Variants in SMAD2 observed in about 807,000 individuals in gnomAD.
The protein encoded by SMAD2 is MAD homolog 2.
Under a neutral mutation model 64.4 loss-of-function variants are expected in SMAD2, and 8 were observed. The observed-to-expected ratio is 0.12, with a 90% confidence interval of 0.07 to 0.22. SMAD2 has a LOEUF of 0.22. Ranked by LOEUF, SMAD2 falls within the 10% of genes least tolerant of loss-of-function variation. The pLI is 1.00. For missense variants in SMAD2, 289 were observed against 561.2 expected (o/e 0.51, Z 4.90); for synonymous variants, 203 against 195.8 (o/e 1.04, Z -0.31).
chr18:47,897,209 A>G (rs2033476053), intron 1 of SMAD2, among the ~76,000 whole-genome samples: 8 of 151,998 alleles, frequency 5.3e-5, no homozygotes, highest in Admixed American at 3.9e-4. Context: ...TTGTAAGCCC[A>G]CTCTCCCCCG....
chr18:47,858,302 A>C (rs2030891664), intron 6 of SMAD2, among the ~76,000 whole-genome samples: 1 of 152,196 alleles, frequency 6.6e-6, no homozygotes, highest in Non-Finnish European at 1.5e-5. Flanking sequence ...AAATTCATTT[A>C]ATTGGATTAA....
chr18:47,815,323 C>T lies in SMAD2; in HGVS notation c.*26504G>A, dbSNP rs1329622937. The T allele has an allele frequency of 1.3e-5, 2 of 152,224 alleles. No individual in the cohort carries two copies. The highest frequency in any genetic ancestry group is 4.8e-5 in the African/African-American group (2 of 41,454). The allele number at this position is 152,224 out of a possible 1,614,324, so 9.4% of individuals were successfully genotyped here. ...TTGATGTGAAATGAAGGAACTGTAA[C>T]TTCTTTTCTGCATGATCTGAGTTTT... On this transcript the variant is annotated 3_prime_UTR_variant, in exon 11 of 11. Coordinates refer to ENST00000262160, the MANE Select transcript of SMAD2 (RefSeq NM_005901.6).
At chr18:47,876,839 T>A (rs2032291451) in intron 2 of SMAD2, among the ~76,000 whole-genome samples, 1 of 152,232 alleles carries the variant, frequency 6.6e-6, no homozygotes, top group East Asian at 1.9e-4. Flanking sequence ...TAAATTAACA[T>A]TTTGCACTTT....
At chr18:47,863,555 T>G (rs1428091557) in intron 6 of SMAD2, among the ~76,000 whole-genome samples, 1 of 142,678 alleles carries the variant, frequency 7.0e-6, no homozygotes, top group Admixed American at 6.8e-5. Flanking sequence ...CCTGCAGCCT[T>G]TTTTTTCTGG....
At chr18:47,872,482 T>A (rs1342318376) in intron 2 of SMAD2, among the ~76,000 whole-genome samples, 1 of 152,042 alleles carries the variant, frequency 6.6e-6, no homozygotes, top group African/African-American at 2.4e-5. Context: ...TTACACAGCA[T>A]TTACAATGTA....
intron 6 of SMAD2, among the ~76,000 whole-genome samples, chr18:47,855,447 A>C (rs928333716): frequency 6.6e-6 from 1 of 152,176 alleles, no homozygotes; most frequent in Non-Finnish European, 1.5e-5. Flanking sequence ...ACTGTCTTCC[A>C]AAGTGGCTAT....
chr18:47,876,420 T>G (rs1398875299), intron 2 of SMAD2, among the ~76,000 whole-genome samples: 1 of 152,072 alleles, frequency 6.6e-6, no homozygotes, highest in East Asian at 1.9e-4. Context: ...CAAGCATACG[T>G]ATGTTATCTC....
rs1178782626 is a variant in SMAD2 at position 47,829,512 on chromosome 18, C to CTTA, written c.*12314_*12315insTAA. ...CGATCTTTTAAAGAATATAAACAAGCCAGATTCTTAGGTATCTCTCCCTTT... is the reference window on the plus strand; with the variant it reads ...CGATCTTTTAAAGAATATAAACAAGCTTACAGATTCTTAGGTATCTCTCCCTTT... On this transcript the variant is annotated 3_prime_UTR_variant, in exon 11 of 11. Coordinates refer to ENST00000262160, the MANE Select transcript of SMAD2 (RefSeq NM_005901.6). 13 of 152,074 alleles carry CTTA rather than the reference C, an allele frequency of 8.5e-5. No individual in the cohort carries two copies. Among genetic ancestry groups the CTTA allele is most frequent in the African/African-American group, 3.1e-4 (13 of 41,418 alleles). The allele number at this position is 152,074 out of a possible 1,614,324, so 9.4% of individuals were successfully genotyped here. A position where few individuals can be genotyped will look rare whatever the true frequency, so the allele number is the denominator to read the frequency against.
chr18:47,877,138 T>A (rs1012323358), intron 2 of SMAD2, among the ~76,000 whole-genome samples: 1 of 151,814 alleles, frequency 6.6e-6, no homozygotes, highest in Non-Finnish European at 1.5e-5. Flanking sequence ...TTATTTTTCA[T>A]GATCTTCTTG....
intron 6 of SMAD2, among the ~76,000 whole-genome samples, chr18:47,862,552 C>T (rs1404868283): frequency 6.6e-6 from 1 of 152,198 alleles, no homozygotes; most frequent in Admixed American, 6.5e-5. Flanking sequence ...CTTATAAAGA[C>T]ACCAGTCATA....
At chr18:47,927,265 A>G (rs546299627) in intron 1 of SMAD2, among the ~76,000 whole-genome samples, 1 of 152,028 alleles carries the variant, frequency 6.6e-6, no homozygotes, top group Non-Finnish European at 1.5e-5. Context: ...TAGACTGTGC[A>G]AAACTGGTGC....
chr18:47,880,320 G>T (rs2144414151), intron 2 of SMAD2, among the ~76,000 whole-genome samples: 1 of 152,198 alleles, frequency 6.6e-6, no homozygotes, highest in South Asian at 2.1e-4. Context: ...GTTTTCACTG[G>T]TGTAAGGTGG....
intron 8 of SMAD2, among the ~76,000 whole-genome samples, chr18:47,846,562 T>C (rs373252067): frequency 3.3e-5 from 5 of 152,146 alleles, no homozygotes; most frequent in Admixed American, 2.0e-4. Context: ...TAGACTGTCA[T>C]AGGCTAAGTG....
Position 47,875,126 on chromosome 18 carries a change from G to A in SMAD2, c.237-4562C>T, listed in dbSNP as rs577084211. 2.6e-5 allele frequency among the ~76,000 whole-genome samples: 4 copies of A among 152,036 alleles called. No homozygotes were observed. The East Asian group carries it at 5.8e-4, about 22-fold the overall frequency. ...TCCTTTCTGTCTCACATGAACCTTT[G>A]GTACCAATTTTCTTCCATGTGCAAT... On this transcript the variant is annotated intron_variant, in intron 2 of 10. Coordinates refer to ENST00000262160, the MANE Select transcript of SMAD2 (RefSeq NM_005901.6).
chr18:47,856,332 T>C (rs2030679327), intron 6 of SMAD2, among the ~76,000 whole-genome samples: 1 of 152,124 alleles, frequency 6.6e-6, no homozygotes, highest in South Asian at 2.1e-4. Flanking sequence ...GTAAGTCAAT[T>C]TTAGGTGCTC....
intron 2 of SMAD2, among the ~76,000 whole-genome samples, chr18:47,877,161 A>AT (rs71162898): frequency 0.061 from 8,800 of 143,910 alleles, 586 homozygotes; most frequent in East Asian, 0.22. Flanking sequence ...TAAACAGTGT[A>AT]TTTTTTTTTT....
Position 47,834,318 on chromosome 18 carries a change from G to A in SMAD2, c.*7509C>T. 4.8e-6 allele frequency: 1 copy of A among 208,980 alleles called. No individual in the cohort carries two copies. The highest frequency in any genetic ancestry group is 7.2e-5 in the East Asian group (1 of 13,942). 12.9% of individuals were successfully genotyped at this position (208,980 alleles called of 1,614,324 possible). A position where few individuals can be genotyped will look rare whatever the true frequency, so the allele number is the denominator to read the frequency against. On this transcript the variant is annotated 3_prime_UTR_variant, in exon 11 of 11. Coordinates refer to ENST00000262160, the MANE Select transcript of SMAD2 (RefSeq NM_005901.6). ...AATGAATTTCTTAAGTTCAAGATAT[G>A]TACTCTCAATGGAGAATCGCTTTTG... is the stretch of plus-strand genomic sequence containing the variant.
At chr18:47,859,962 C>G (rs1244224554) in intron 6 of SMAD2, among the ~76,000 whole-genome samples, 1 of 152,040 alleles carries the variant, frequency 6.6e-6, no homozygotes, top group Non-Finnish European at 1.5e-5. Context: ...TGGTGAAATC[C>G]TATCTCTAAA....
In SMAD2 at chr18:47,850,397, T is replaced by A. The variant is rs1301451313; in HGVS notation, c.784+877A>T. On this transcript the variant is annotated intron_variant, in intron 7 of 10. Transcript: ENST00000262160. ...ATTATATATATTATATAATATATATTATATATTATGTATAATATATATAAT... is the reference window on the plus strand; with the variant it reads ...ATTATATATATTATATAATATATATAATATATTATGTATAATATATATAAT... Among the ~76,000 whole-genome samples, 3 of 19,190 alleles carry A rather than the reference T, an allele frequency of 1.6e-4. 1 individual carries two copies. The highest frequency in any genetic ancestry group is 2.1e-4 in the Non-Finnish European group (3 of 14,408). The allele number at this position is 19,190 out of a possible 152,430, so 12.6% of individuals were successfully genotyped here. A position where few individuals can be genotyped will look rare whatever the true frequency, so the allele number is the denominator to read the frequency against.
Sources: allele counts gnomAD v4.1 joint callset (sites outside exome capture counted in the v4.1 genomes callset), GRCh38; gene constraint gnomAD v4.1.1; transcripts MANE v1.5; gene names NCBI Gene and HGNC (gene_info 2026-07-23, HGNC 2026-07-21).